The following TCF7L2 variants were observed in gnomAD, a reference collection of about 807,000 sequenced individuals.
TCF7L2 encodes transcription factor 7 like 2.
A neutral mutation model predicts 77.9 loss-of-function variants in TCF7L2; 23 were observed. That is an observed-to-expected ratio of 0.30 (90% confidence interval 0.21 to 0.42). The LOEUF is 0.42. Among genes scored for constraint, TCF7L2 ranks in the 10% least tolerant of loss-of-function variants. The pLI is 1.00. For synonymous variants in TCF7L2, 413 were observed against 340.2 expected (o/e 1.21, Z -2.36); for missense variants, 654 against 793.1 (o/e 0.82, Z 2.11).
At position 112,950,403 on chromosome 10, in the gene TCF7L2, TCCCC is replaced by T; in HGVS notation, c.-348_-345del. 5.1e-6 allele frequency: 1 copy of T among 195,144 alleles called. No homozygotes were observed. Among genetic ancestry groups the T allele is most frequent in the South Asian group, 1.2e-4 (1 of 8,038 alleles). 12.1% of individuals were successfully genotyped at this position (195,144 alleles called of 1,614,324 possible). Reference sequence around the variant, plus strand: ...ACGAGCACCTCCTGTATCTTCGGCTTCCCCCCCCCTTTGCTCTTTATATCTGACT... The same window carrying T: ...ACGAGCACCTCCTGTATCTTCGGCTTCCCCCTTTGCTCTTTATATCTGACT... On this transcript the variant is annotated 5_prime_UTR_variant, in exon 1 of 14. Transcript: ENST00000627217.
chr10:112,977,951 G>C (rs535141487), intron 4 of TCF7L2, among the ~76,000 whole-genome samples: 18 of 152,270 alleles, frequency 1.2e-4, no homozygotes, highest in Non-Finnish European at 2.5e-4. Context: ...TTTCCTAAAT[G>C]CTATTGACAG....
chr10:113,157,067 G>A lies in TCF7L2; in HGVS notation c.1270-954G>A, dbSNP rs529797275. Among the ~76,000 whole-genome samples, 5 of 152,304 alleles carry A rather than the reference G, an allele frequency of 3.3e-5. No individual in the cohort carries two copies. The South Asian group carries it at 8.3e-4, about 25-fold the overall frequency. On this transcript the variant is annotated intron_variant, in intron 11 of 13. Coordinates refer to ENST00000627217, the MANE Select transcript of TCF7L2 (RefSeq NM_001146274.2). ...TTATGTCAGCTAGAAGAGAATTGAG[G>A]GAACATCTTCTTTCTTACAGATGTC...
rs142396616 is a variant in TCF7L2 at position 113,134,482 on chromosome 10, G to A, written c.553-6702G>A. On this transcript the variant is annotated intron_variant, in intron 5 of 13. Coordinates refer to ENST00000627217, the MANE Select transcript of TCF7L2 (RefSeq NM_001146274.2). ...GGTCATAGGCTGTTGGGGACAGGGGGGTTACCTTAACTGACTGTTCACCAC... is the reference window on the plus strand; with the variant it reads ...GGTCATAGGCTGTTGGGGACAGGGGAGTTACCTTAACTGACTGTTCACCAC... Among the ~76,000 whole-genome samples the A allele has an allele frequency of 6.2e-4, 94 of 152,246 alleles. 1 individual carries two copies. The highest frequency in any genetic ancestry group is 5.7e-4 in the Non-Finnish European group (39 of 68,016).
Position 113,165,670 on chromosome 10 carries a change from C to T in TCF7L2, c.1507C>T (p.Pro503Ser), listed in dbSNP as rs776105589. ...CCCCTCCCCGAACCTGCTAGGCTCC[C>T]CTCCCCGAGACGCCAAGTCACAGAC... Residue 503 changes from proline (P) to serine (S), a missense_variant, in exon 14 of 14, where the codon CCT becomes TCT. By Grantham distance (74) the Pro-to-Ser change is moderately conservative. Coordinates refer to ENST00000627217, the MANE Select transcript of TCF7L2 (RefSeq NM_001146274.2). The T allele has an allele frequency of 8.7e-6, 14 of 1,611,248 alleles. No homozygotes were observed. The highest frequency in any genetic ancestry group is 1.0e-5 in the Non-Finnish European group (12 of 1,178,756).
At chr10:113,102,291 G>C (rs1318554299) in intron 5 of TCF7L2, among the ~76,000 whole-genome samples, 2 of 151,874 alleles carry the variant, frequency 1.3e-5, no homozygotes, top group African/African-American at 4.8e-5. Context: ...TTATGCCTAA[G>C]TTTTCACATC....
In TCF7L2 at chr10:112,966,457, A is replaced by C. The variant is rs1313803834; in HGVS notation, c.450+1833A>C. On this transcript the variant is annotated intron_variant, in intron 4 of 13. Coordinates refer to ENST00000627217, the MANE Select transcript of TCF7L2 (RefSeq NM_001146274.2). ...TGCTTTAGGTGCGGGACTTGGTTAG[A>C]GAACAAGCCCAAACCCTAACTCCTG... Among the ~76,000 whole-genome samples, 4 of 152,154 alleles carry C rather than the reference A, an allele frequency of 2.6e-5. No individual in the cohort carries two copies. The East Asian group carries it at 5.8e-4, about 22-fold the overall frequency.
At chr10:113,081,154 C>A (rs189053241) in intron 5 of TCF7L2, among the ~76,000 whole-genome samples, 6 of 152,268 alleles carry the variant, frequency 3.9e-5, no homozygotes, top group Non-Finnish European at 7.4e-5. Flanking sequence ...ACTTTGCAGT[C>A]CCATTTTAGG....
At chr10:113,153,433 C>T (rs982639782) in intron 11 of TCF7L2, among the ~76,000 whole-genome samples, 2 of 152,198 alleles carry the variant, frequency 1.3e-5, no homozygotes, top group East Asian at 1.9e-4. Flanking sequence ...CCCTTCCTGT[C>T]GATGTCTTGG....
At chr10:112,985,212 A>G (rs1564745440) in intron 4 of TCF7L2, among the ~76,000 whole-genome samples, 1 of 152,174 alleles carries the variant, frequency 6.6e-6, no homozygotes, top group African/African-American at 2.4e-5. Context: ...CTTCTAGGGA[A>G]GGCAAGTGGC....
At chr10:113,025,327 C>G (rs958920946) in intron 4 of TCF7L2, among the ~76,000 whole-genome samples, 1 of 151,526 alleles carries the variant, frequency 6.6e-6, no homozygotes, top group African/African-American at 2.4e-5. Context: ...CAATCTCCGC[C>G]TCCTGGGTTC....
At chr10:112,992,994 ACCTCATAATCCACCCG>A (rs927724355) in intron 4 of TCF7L2, among the ~76,000 whole-genome samples, 8 of 151,842 alleles carry the variant, frequency 5.3e-5, no homozygotes, top group Non-Finnish European at 8.8e-5. Flanking sequence ...TGAACTCCTG[ACCTCATAATCCACCCG>A]CCTCGGCCTC....
chr10:113,036,665 C>CTTCTTTCTTTCTTTCTTTCTTTCTTTCT (rs71489996), intron 4 of TCF7L2, among the ~76,000 whole-genome samples: 3 of 150,802 alleles, frequency 2.0e-5, no homozygotes, highest in African/African-American at 7.3e-5. Context: ...CCAAGATGGC[C>CTTCTTTCTTTCTTTCTTTCTTTCTTTCT]TTCTTTCTTT....
Position 113,115,036 on chromosome 10 carries a change from AT to A in TCF7L2, c.553-26147del, listed in dbSNP as rs555759063. 3.9e-5 allele frequency among the ~76,000 whole-genome samples: 6 copies of A among 152,382 alleles called. No homozygotes were observed. The South Asian group carries it at 1.2e-3, about 32-fold the overall frequency. ...TGGCAGCAGATATGCTTGAACAGGG[AT>A]GATAAAACAGCTGAGGAAGAGCGTT... On this transcript the variant is annotated intron_variant, in intron 5 of 13. Coordinates refer to ENST00000627217, the MANE Select transcript of TCF7L2 (RefSeq NM_001146274.2).
chr10:112,961,384 C>T (rs1362275701), intron 3 of TCF7L2, among the ~76,000 whole-genome samples: 1 of 152,078 alleles, frequency 6.6e-6, no homozygotes, highest in Non-Finnish European at 1.5e-5. Flanking sequence ...GCAGTCTCAC[C>T]TCATATTCCA....
intron 4 of TCF7L2, among the ~76,000 whole-genome samples, chr10:113,014,220 G>A (rs957092160): frequency 2.6e-5 from 4 of 152,150 alleles, no homozygotes; most frequent in Admixed American, 2.6e-4. Context: ...AAATGTCCAC[G>A]CTCTGCATTC....
In TCF7L2 at chr10:113,116,627, A is replaced by G. The variant is rs2063762489; in HGVS notation, c.553-24557A>G. 1.3e-5 allele frequency among the ~76,000 whole-genome samples: 2 copies of G among 152,132 alleles called. 1 individual carries two copies. Among genetic ancestry groups the G allele is most frequent in the South Asian group, 4.1e-4 (2 of 4,828 alleles). On this transcript the variant is annotated intron_variant, in intron 5 of 13. Coordinates refer to ENST00000627217, the MANE Select transcript of TCF7L2 (RefSeq NM_001146274.2). ...CAAGGTAGTTACTGTAAATTGAAAC[A>G]TTTCTTTTTTTGCTGCTTCCCCCCC...
chr10:113,032,229 G>A (rs977009093), intron 4 of TCF7L2, among the ~76,000 whole-genome samples: 4 of 152,194 alleles, frequency 2.6e-5, no homozygotes, highest in Non-Finnish European at 2.9e-5. Flanking sequence ...ATTCCATACC[G>A]ATTGTCCGTG....
intron 5 of TCF7L2, among the ~76,000 whole-genome samples, chr10:113,072,521 A>G (rs1329287389): frequency 6.6e-6 from 1 of 151,984 alleles, no homozygotes. Flanking sequence ...CCTCCAGCTA[A>G]TTTTTGTATT....
At chr10:112,951,734 C>G (rs918586560) in intron 3 of TCF7L2, 127 bp downstream of exon 3, 73 of 350,856 alleles carry the variant, frequency 2.1e-4, no homozygotes, top group Admixed American at 2.0e-3. Flanking sequence ...CTCCCTCCCT[C>G]CCCTCCCCCG....
Sources: allele counts gnomAD v4.1 joint callset (sites outside exome capture counted in the v4.1 genomes callset), GRCh38; gene constraint gnomAD v4.1.1; transcripts MANE v1.5; gene names NCBI Gene and HGNC (gene_info 2026-07-23, HGNC 2026-07-21).